Variants in SEMA5A observed in about 807,000 individuals in gnomAD.
The protein encoded by SEMA5A is semaphorin 5A, also known as semaphorin-5A.
In SEMA5A, 55 loss-of-function variants were observed where a neutral mutation model predicts 135.5. The ratio of observed to expected loss-of-function variants is 0.41; its 90% CI spans 0.33 to 0.51. The LOEUF (loss-of-function observed/expected upper bound fraction) is 0.51. Among genes scored for constraint, SEMA5A ranks in the 20% least tolerant of loss-of-function variants. SEMA5A has a pLI of 0.37. For synonymous variants in SEMA5A, 580 were observed against 546.5 expected (o/e 1.06, Z -0.85); for missense variants, 1,290 against 1,419.9 (o/e 0.91, Z 1.47).
At chr5:9,106,186 C>A (rs1448843144) in intron 16 of SEMA5A, among the ~76,000 whole-genome samples, 2 of 152,160 alleles carry the variant, frequency 1.3e-5, no homozygotes, top group South Asian at 2.1e-4. Context: ...GAAAAACAAA[C>A]CTTTAAATTT....
intron 16 of SEMA5A, among the ~76,000 whole-genome samples, chr5:9,082,926 T>C (rs1050908265): frequency 2.3e-4 from 35 of 152,306 alleles, no homozygotes; most frequent in African/African-American, 8.2e-4. Flanking sequence ...TTTCTAGGGG[T>C]ATCATTTTAC....
chr5:9,436,079 T>C (rs899813157), intron 2 of SEMA5A, among the ~76,000 whole-genome samples: 1 of 152,200 alleles, frequency 6.6e-6, no homozygotes, highest in Non-Finnish European at 1.5e-5. Context: ...CTCTTGCAGA[T>C]TATTTAAGCT....
intron 8 of SEMA5A, among the ~76,000 whole-genome samples, chr5:9,216,634 G>A (rs1359357336): frequency 1.3e-5 from 2 of 152,138 alleles, no homozygotes; most frequent in Non-Finnish European, 2.9e-5. Flanking sequence ...CTAATTGAAG[G>A]TCTCTAAAAA....
At chr5:9,131,390 A>C (rs11134349) in intron 13 of SEMA5A, among the ~76,000 whole-genome samples, 144,324 of 152,006 alleles carry the variant, frequency 0.95, 68,892 homozygotes, top group East Asian at 1. Flanking sequence ...GGGTGGATCA[A>C]AAGGTCAGGA....
chr5:9,452,314 A>G (rs896054082), intron 1 of SEMA5A, among the ~76,000 whole-genome samples: 1 of 152,192 alleles, frequency 6.6e-6, no homozygotes, highest in Non-Finnish European at 1.5e-5. Flanking sequence ...TGACAGACAC[A>G]TGGCTGTGAA....
intron 16 of SEMA5A, 69 bp from the exon 17 acceptor site, chr5:9,066,715 C>G (rs1731100748): frequency 1.4e-6 from 2 of 1,382,756 alleles, no homozygotes. Context: ...GGGCTCCTTT[C>G]CTTTAGGGAA....
At position 9,384,555 on chromosome 5, in the gene SEMA5A, GATAGATAGATAGATAC is replaced by G. The variant is rs879377860; in HGVS notation, c.-77-4548_-77-4533del. Among the ~76,000 whole-genome samples the G allele has an allele frequency of 3.4e-3, 411 of 121,968 alleles. 9 individuals are homozygous for G. Among genetic ancestry groups the G allele is most frequent in the Non-Finnish European group, 4.5e-3 (257 of 57,740 alleles). 80.0% of individuals were successfully genotyped at this position (121,968 alleles called of 152,430 possible). A position where few individuals can be genotyped will look rare whatever the true frequency, so the allele number is the denominator to read the frequency against. ...AGATAGATAGATAGATAGATAGATA[GATAGATAGATAGATAC>G]ATAGATAGATAGATAGATAGATAGA... On this transcript the variant is annotated intron_variant, in intron 2 of 22. Transcript: ENST00000382496.
At chr5:9,516,019 C>T (rs139377327) in intron 1 of SEMA5A, among the ~76,000 whole-genome samples, 175 of 152,290 alleles carry the variant, frequency 1.1e-3, no homozygotes, top group African/African-American at 4.0e-3. Flanking sequence ...CAAAAACAAT[C>T]TCTTTTTATT....
chr5:9,243,160 T>G (rs1748296753), intron 5 of SEMA5A, among the ~76,000 whole-genome samples: 1 of 152,204 alleles, frequency 6.6e-6, no homozygotes, highest in Admixed American at 6.5e-5. Flanking sequence ...AATTTATTCT[T>G]ACAGTTCTGG....
intron 2 of SEMA5A, among the ~76,000 whole-genome samples, chr5:9,418,663 A>C (rs1757364218): frequency 6.6e-6 from 1 of 152,166 alleles, no homozygotes; most frequent in Non-Finnish European, 1.5e-5. Flanking sequence ...GCACTAAACC[A>C]TAAGCTCTTT....
At chr5:9,259,680 T>C (rs1170292099) in intron 5 of SEMA5A, among the ~76,000 whole-genome samples, 2 of 148,998 alleles carry the variant, frequency 1.3e-5, no homozygotes, top group African/African-American at 5.0e-5. Context: ...AATAAAGATG[T>C]TCTTTGAAAC....
chr5:9,405,673 C>T (rs1038712554), intron 2 of SEMA5A, among the ~76,000 whole-genome samples: 3 of 152,166 alleles, frequency 2.0e-5, no homozygotes, highest in South Asian at 2.1e-4. Context: ...TGAGCTAATA[C>T]GTACAAAAGG....
intron 1 of SEMA5A, among the ~76,000 whole-genome samples, chr5:9,493,297 C>A (rs921484607): frequency 2.2e-5 from 3 of 138,812 alleles, no homozygotes; most frequent in Non-Finnish European, 3.2e-5. Context: ...ATCTATCTAT[C>A]TATATATATA....
At chr5:9,401,350 T>C (rs435346) in intron 2 of SEMA5A, among the ~76,000 whole-genome samples, 29,081 of 152,112 alleles carry the variant, frequency 0.19, 3,172 homozygotes, top group East Asian at 0.39. Flanking sequence ...TCTAGTGCCA[T>C]ATGTCAGCCA....
chr5:9,082,889 T>C (rs1738467075), intron 16 of SEMA5A, among the ~76,000 whole-genome samples: 3 of 152,184 alleles, frequency 2.0e-5, no homozygotes, highest in Admixed American at 6.5e-5. Flanking sequence ...ACTGGTAAAA[T>C]AAGTTTCAAT....
intron 12 of SEMA5A, among the ~76,000 whole-genome samples, chr5:9,145,022 T>A (rs981643789): frequency 4.3e-5 from 6 of 138,508 alleles, no homozygotes; most frequent in Non-Finnish European, 9.8e-5. Flanking sequence ...GTCTGTCATT[T>A]TTACTTTTTT....
At chr5:9,172,091 T>A (rs1743954757) in intron 11 of SEMA5A, among the ~76,000 whole-genome samples, 2 of 152,040 alleles carry the variant, frequency 1.3e-5, no homozygotes, top group Admixed American at 1.3e-4. Flanking sequence ...CTCCAGAATC[T>A]AGGGAACTAG....
chr5:9,250,669 G>A (rs10037901), intron 5 of SEMA5A, among the ~76,000 whole-genome samples: 1,540 of 152,214 alleles, frequency 0.01, 20 homozygotes, highest in African/African-American at 0.031. Context: ...GGAATTCAAA[G>A]TAATTCAGTA....
chr5:9,469,954 G>C (rs1759415242), intron 1 of SEMA5A, among the ~76,000 whole-genome samples: 1 of 152,252 alleles, frequency 6.6e-6, no homozygotes, highest in South Asian at 2.1e-4. Flanking sequence ...ACTTTGAGCA[G>C]GCCCCAAATG....
Sources: gnomAD v4.1 joint callset for allele counts (sites outside exome capture counted in the v4.1 genomes callset) on GRCh38, gnomAD v4.1.1 for gene constraint, MANE v1.5 for transcripts, NCBI Gene and HGNC (gene_info 2026-07-23, HGNC 2026-07-21) for gene names.